The following PHACTR1 variants were observed in gnomAD, a reference collection of about 807,000 sequenced individuals.
The protein encoded by PHACTR1 is RPEL repeat containing 1.
In PHACTR1, 16 loss-of-function variants were observed where a neutral mutation model predicts 69.2. The observed-to-expected ratio is 0.23, with a 90% CI of 0.16 to 0.35. The LOEUF (loss-of-function observed/expected upper bound fraction) is 0.35, where lower values mean the gene tolerates loss of function less well. Ranked by LOEUF, PHACTR1 falls within the 10% of genes least tolerant of loss-of-function variation. PHACTR1 has a pLI of 1.00. For synonymous variants in PHACTR1, 312 were observed against 284.5 expected, an observed-to-expected ratio of 1.10 and a Z score of -0.97; for missense variants, 510 against 734.7, an observed-to-expected ratio of 0.69 and a Z score of 3.54.
intron 4 of PHACTR1, among the ~76,000 whole-genome samples, chr6:12,987,458 T>C (rs1239684590): frequency 6.6e-6 from 1 of 152,142 alleles, no homozygotes; most frequent in Non-Finnish European, 1.5e-5. Context: ...AAACAAAGCA[T>C]GAGCAAAAGC....
intron 4 of PHACTR1, among the ~76,000 whole-genome samples, chr6:12,848,062 AG>A (rs1247876571): frequency 2.6e-5 from 4 of 152,214 alleles, no homozygotes; most frequent in Non-Finnish European, 5.9e-5. Flanking sequence ...AACATCATAA[AG>A]AAGAAAAGGA....
intron 7 of PHACTR1, among the ~76,000 whole-genome samples, chr6:13,187,765 C>A (rs1372853231): frequency 6.6e-6 from 1 of 152,184 alleles, no homozygotes; most frequent in Non-Finnish European, 1.5e-5. Flanking sequence ...CCAGGGATAC[C>A]CTGAGCCACG....
At chr6:13,036,236 C>T (rs1803290094) in intron 4 of PHACTR1, among the ~76,000 whole-genome samples, 1 of 152,078 alleles carries the variant, frequency 6.6e-6, no homozygotes, top group Non-Finnish European at 1.5e-5. Flanking sequence ...GTTTCTTCTT[C>T]CAAATCCTAT....
chr6:13,099,020 G>A (rs1354031168), intron 5 of PHACTR1, among the ~76,000 whole-genome samples: 3 of 152,154 alleles, frequency 2.0e-5, no homozygotes, highest in African/African-American at 7.2e-5. Flanking sequence ...AGTCCTTGAT[G>A]TGGCCTATTA....
intron 7 of PHACTR1, among the ~76,000 whole-genome samples, chr6:13,190,062 C>T (rs915055493): frequency 3.4e-5 from 5 of 145,432 alleles, no homozygotes; most frequent in African/African-American, 1.0e-4. Flanking sequence ...TCTACTCCGT[C>T]GCCCAGGCTA....
intron 4 of PHACTR1, among the ~76,000 whole-genome samples, chr6:12,899,379 T>C (rs184301576): frequency 3.4e-4 from 52 of 152,360 alleles, no homozygotes; most frequent in Non-Finnish European, 7.3e-4. Context: ...AGAAAGATGA[T>C]ATATCAGCCT....
intron 4 of PHACTR1, among the ~76,000 whole-genome samples, chr6:12,856,020 AT>A (rs1368138567): frequency 6.6e-6 from 1 of 152,160 alleles, no homozygotes. Flanking sequence ...AAGCTGCTAA[AT>A]TGGAAGAAGA....
At chr6:12,860,096 A>G (rs1297752467) in intron 4 of PHACTR1, among the ~76,000 whole-genome samples, 2 of 151,922 alleles carry the variant, frequency 1.3e-5, no homozygotes, top group Non-Finnish European at 2.9e-5. Flanking sequence ...GTGGTTTGCT[A>G]CACCCATCAA....
chr6:12,893,762 G>C (rs552719468), intron 4 of PHACTR1, among the ~76,000 whole-genome samples: 1 of 152,240 alleles, frequency 6.6e-6, no homozygotes, highest in South Asian at 2.1e-4. Context: ...CTCCCTCAGG[G>C]ACAAGCAGCT....
chr6:12,720,579 G>A (rs76945808), intron 3 of PHACTR1, among the ~76,000 whole-genome samples: 2,398 of 152,282 alleles, frequency 0.016, 41 homozygotes, highest in Non-Finnish European at 0.027. Flanking sequence ...CATGGGAGGT[G>A]GCAGCATAAG....
intron 4 of PHACTR1, among the ~76,000 whole-genome samples, chr6:12,972,534 AG>A: frequency 6.6e-6 from 1 of 152,298 alleles, no homozygotes; most frequent in East Asian, 1.9e-4. Flanking sequence ...TGGAGGCTCT[AG>A]AAGAGAATCC....
At chr6:13,093,609 T>G (rs1298753452) in intron 5 of PHACTR1, among the ~76,000 whole-genome samples, 1 of 152,228 alleles carries the variant, frequency 6.6e-6, no homozygotes, top group African/African-American at 2.4e-5. Context: ...AATAAGGTAT[T>G]CAGGAGACTG....
intron 4 of PHACTR1, among the ~76,000 whole-genome samples, chr6:12,884,367 G>A (rs995831640): frequency 6.6e-6 from 1 of 151,586 alleles, no homozygotes; most frequent in African/African-American, 2.4e-5. Flanking sequence ...GGGCATCATG[G>A]TTCAGTCCAG....
intron 4 of PHACTR1, among the ~76,000 whole-genome samples, chr6:12,945,699 C>T (rs1044268963): frequency 2.6e-4 from 40 of 152,174 alleles, no homozygotes; most frequent in African/African-American, 9.4e-4. Flanking sequence ...TACAGTGGCT[C>T]ATGACTGTAA....
At chr6:12,998,375 T>C (rs1204673184) in intron 4 of PHACTR1, among the ~76,000 whole-genome samples, 4 of 152,062 alleles carry the variant, frequency 2.6e-5, no homozygotes, top group Non-Finnish European at 5.9e-5. Flanking sequence ...CTCAGCACTT[T>C]GGGAGGCTGA....
chr6:12,852,196 A>G (rs1779896816), intron 4 of PHACTR1, among the ~76,000 whole-genome samples: 1 of 152,206 alleles, frequency 6.6e-6, no homozygotes, highest in Non-Finnish European at 1.5e-5. Context: ...AAGAGAAATA[A>G]TTGTGAAGCC....
chr6:13,032,740 C>T (rs1010429427), intron 4 of PHACTR1, among the ~76,000 whole-genome samples: 6 of 151,968 alleles, frequency 3.9e-5, no homozygotes, highest in African/African-American at 1.5e-4. Flanking sequence ...CTCGGCCTCA[C>T]GAGGACTATA....
At chr6:12,886,512 G>C (rs1260392299) in intron 4 of PHACTR1, among the ~76,000 whole-genome samples, 2 of 151,586 alleles carry the variant, frequency 1.3e-5, no homozygotes, top group African/African-American at 4.9e-5. Context: ...CCATTTTACA[G>C]AAGAGTTAAT....
chr6:13,039,151 A>G (rs1457663967), intron 4 of PHACTR1, among the ~76,000 whole-genome samples: 2 of 152,214 alleles, frequency 1.3e-5, no homozygotes, highest in Non-Finnish European at 2.9e-5. Flanking sequence ...TGCCATTGTC[A>G]ATTTGCTCTT....
Sources: allele counts gnomAD v4.1 joint callset (sites outside exome capture counted in the v4.1 genomes callset), GRCh38; gene constraint gnomAD v4.1.1; transcripts MANE v1.5; gene names NCBI Gene and HGNC (gene_info 2026-07-23, HGNC 2026-07-21).